CHST6: variants seen among roughly 807,000 people sequenced by gnomAD.
CHST6 encodes carbohydrate sulfotransferase 6, also known as N-acetylglucosamine 6-O-sulfotransferase 5.
For missense variants in CHST6, 698 were observed against 586.2 expected, an observed-to-expected ratio of 1.19 and a Z score of -1.97; for synonymous variants, 309 against 276.4, an observed-to-expected ratio of 1.12 and a Z score of -1.17.
At chr16:75,483,134 C>T (rs1456241219) in intron 1 of CHST6, among the ~76,000 whole-genome samples, 2 of 152,242 alleles carry the variant, frequency 1.3e-5, no homozygotes, top group African/African-American at 4.8e-5. Context: ...AGGTGAAAGA[C>T]TCAAGGCTTG....
At chr16:75,487,717 T>A (rs1351226205) in intron 1 of CHST6, among the ~76,000 whole-genome samples, 1 of 138,820 alleles carries the variant, frequency 7.2e-6, no homozygotes, top group Non-Finnish European at 1.5e-5. Context: ...GAGAATGGCG[T>A]GAATCTGGGA....
At chr16:75,493,633 G>A (rs963026292) in intron 1 of CHST6, among the ~76,000 whole-genome samples, 1 of 152,102 alleles carries the variant, frequency 6.6e-6, no homozygotes, top group African/African-American at 2.4e-5. Context: ...GGCGCATAGT[G>A]CACTTATGAG....
At chr16:75,486,958 A>G (rs912925983) in intron 1 of CHST6, among the ~76,000 whole-genome samples, 17 of 152,346 alleles carry the variant, frequency 1.1e-4, no homozygotes, top group East Asian at 5.8e-4. Flanking sequence ...CTTTCATTAT[A>G]TGTACTCTGA....
At chr16:75,492,587 G>A (rs922849754) in intron 1 of CHST6, among the ~76,000 whole-genome samples, 4 of 152,190 alleles carry the variant, frequency 2.6e-5, no homozygotes, top group Non-Finnish European at 5.9e-5. Context: ...GGTGGCTCAC[G>A]CCTGTAATCC....
At chr16:75,485,658 CA>C (rs1045839141) in intron 1 of CHST6, among the ~76,000 whole-genome samples, 1 of 151,966 alleles carries the variant, frequency 6.6e-6, no homozygotes, top group African/African-American at 2.4e-5. Flanking sequence ...AAAAGTAGAA[CA>C]AAAAACATAA....
intron 1 of CHST6, among the ~76,000 whole-genome samples, chr16:75,491,181 AAAAAAAAAAATAT>A (rs1361421104): frequency 1.5e-4 from 13 of 85,898 alleles, no homozygotes; most frequent in South Asian, 9.0e-4. Flanking sequence ...AAAAAAAAAA[AAAAAAAAAAATAT>A]ATATATATAT....
At position 75,472,674 on chromosome 16, in the gene CHST6, G is replaced by C. The variant is rs37605; in HGVS notation, c.*5967C>G. On this transcript the variant is annotated 3_prime_UTR_variant, in exon 3 of 3. Transcript: ENST00000332272. ...GTGACAAAGGCACATCAAAGACAAA[G>C]CTAGGGGACACAGGGTCTGTGGTGG... The C allele has an allele frequency of 0.15, 23,097 of 152,304 alleles. 1,892 individuals carry two copies. The highest frequency in any genetic ancestry group is 0.37 in the East Asian group (1,916 of 5,180). 9.4% of individuals were successfully genotyped at this position (152,304 alleles called of 1,614,324 possible). A position where few individuals can be genotyped will look rare whatever the true frequency, so the allele number is the denominator to read the frequency against.
chr16:75,478,977 G>A lies in CHST6; in HGVS notation c.852C>T (p.Ile284=), dbSNP rs1567408713. ...GCCCAGTGAAGGCGTAGAGCGCACG[G>A]ATTTCTGCCAGCGGCTCCCGCGCCA... ...EDLAREPLAE[I]RALYAFTGLS... The change falls in exon 3 of 3, where the codon ATC becomes ATT. Residue 284 remains isoleucine (I), a synonymous_variant. Coordinates refer to ENST00000332272, the MANE Select transcript of CHST6 (RefSeq NM_021615.5). 3.7e-6 allele frequency: 6 copies of A among 1,612,902 alleles called. No individual in the cohort carries two copies. The highest frequency in any genetic ancestry group is 5.1e-6 in the Non-Finnish European group (6 of 1,179,958).
Position 75,493,117 on chromosome 16 carries a change from A to G in CHST6, c.-92+1823T>C, listed in dbSNP as rs544638353. 1.8e-3 allele frequency among the ~76,000 whole-genome samples: 272 copies of G among 152,252 alleles called. 2 individuals carry two copies. The highest frequency in any genetic ancestry group is 3.4e-3 in the Non-Finnish European group (230 of 68,024). On this transcript the variant is annotated intron_variant, in intron 1 of 2. Coordinates refer to ENST00000332272, the MANE Select transcript of CHST6 (RefSeq NM_021615.5). The stretch of plus-strand genomic sequence containing the variant: ...GAATGGTGTCTGTCTCATTAAAGAC[A>G]GTAGGTATAGAGCACTGAGGTTAAG...
In CHST6 at chr16:75,492,214, C is replaced by A. The variant is rs375104830; in HGVS notation, c.-92+2726G>T. Among the ~76,000 whole-genome samples the A allele has an allele frequency of 3.0e-4, 46 of 152,348 alleles. No individual in the cohort carries two copies. The South Asian group carries it at 7.7e-3, about 25-fold the overall frequency. On this transcript the variant is annotated intron_variant, in intron 1 of 2. Coordinates refer to ENST00000332272, the MANE Select transcript of CHST6 (RefSeq NM_021615.5). ...CATTTCAGAGCAGATAAGCAGATAGCAACACACAAACCCTTTTCCTTGGCT... is the reference window on the plus strand; with the variant it reads ...CATTTCAGAGCAGATAAGCAGATAGAAACACACAAACCCTTTTCCTTGGCT...
chr16:75,487,493 C>G (rs2080211178), intron 1 of CHST6, among the ~76,000 whole-genome samples: 1 of 151,848 alleles, frequency 6.6e-6, no homozygotes, highest in African/African-American at 2.4e-5. Flanking sequence ...GGTGAAACCC[C>G]ATCTCTACTA....
rs1488649931 is a variant in CHST6, at chr16:75,477,616, G to A, written c.*1025C>T. 1 of 152,170 alleles carries A rather than the reference G, an allele frequency of 6.6e-6. No individual in the cohort carries two copies. The highest frequency in any genetic ancestry group is 1.5e-5 in the Non-Finnish European group (1 of 68,062). The allele number at this position is 152,170 out of a possible 1,614,324, so 9.4% of individuals were successfully genotyped here. On this transcript the variant is annotated 3_prime_UTR_variant, in exon 3 of 3. Coordinates refer to ENST00000332272, the MANE Select transcript of CHST6 (RefSeq NM_021615.5). ...GGGCACTTATAGGCTCTCATTTCCT[G>A]AGCTCGGGACTAAACCCTCTACACA...
intron 1 of CHST6, among the ~76,000 whole-genome samples, chr16:75,493,173 C>T (rs2550324): frequency 0.29 from 44,403 of 151,368 alleles, 10,395 homozygotes; most frequent in East Asian, 0.72. Context: ...ATTTACTGAG[C>T]GATCTTGTGC....
At chr16:75,485,552 C>T (rs536491225) in intron 1 of CHST6, among the ~76,000 whole-genome samples, 3 of 152,330 alleles carry the variant, frequency 2.0e-5, no homozygotes, top group South Asian at 2.1e-4. Context: ...ACTGAGAGTA[C>T]ATTTCCTTTC....
rs569713378 is a variant in CHST6, at chr16:75,475,409, C to G, written c.*3232G>C. On this transcript the variant is annotated 3_prime_UTR_variant, in exon 3 of 3. Coordinates refer to ENST00000332272, the MANE Select transcript of CHST6 (RefSeq NM_021615.5). ...CTTGATGGCAGGAGCCATGGTCACACAGCACAGAGTGTCAACACAGCAAAC... is the reference window on the plus strand; with the variant it reads ...CTTGATGGCAGGAGCCATGGTCACAGAGCACAGAGTGTCAACACAGCAAAC... The G allele has an allele frequency of 2.8e-5, 3 of 107,100 alleles. No homozygotes were observed. In the South Asian group the frequency reaches 9.1e-4, roughly 32 times the overall value. The allele number at this position is 107,100 out of a possible 1,614,324, so 6.6% of individuals were successfully genotyped here. A position where few individuals can be genotyped will look rare whatever the true frequency, so the allele number is the denominator to read the frequency against.
intron 2 of CHST6, 116 bp from the exon 3 acceptor site, chr16:75,479,960 A>G (rs2080121693): frequency 1.2e-6 from 1 of 856,136 alleles, no homozygotes; most frequent in Non-Finnish European, 1.8e-6. Context: ...TCCCATGAAC[A>G]TGATGGTCTC....
In CHST6 at chr16:75,484,518, T is replaced by C. The variant is rs186511967; in HGVS notation, c.-91-2627A>G. Among the ~76,000 whole-genome samples the C allele has an allele frequency of 9.2e-5, 14 of 152,232 alleles. No individual in the cohort carries two copies. In the East Asian group the frequency reaches 2.7e-3, roughly 29 times the overall value. ...CTTGATGAGGGGCACATATTTATTA[T>C]ATGTTTACTTTTTGGAAAAGTTAAC... On this transcript the variant is annotated intron_variant, in intron 1 of 2. Coordinates refer to ENST00000332272, the MANE Select transcript of CHST6 (RefSeq NM_021615.5).
chr16:75,487,532 G>A (rs1298549128), intron 1 of CHST6, among the ~76,000 whole-genome samples: 1 of 152,136 alleles, frequency 6.6e-6, no homozygotes, highest in African/African-American at 2.4e-5. Context: ...CAGGCGTGGT[G>A]GCTCACGCCT....
In CHST6 at chr16:75,476,889, T is replaced by TC; in HGVS notation, c.*1751_*1752insG. 1 of 152,030 alleles carries TC rather than the reference T, an allele frequency of 6.6e-6. No individual in the cohort carries two copies. Among genetic ancestry groups the TC allele is most frequent in the African/African-American group, 2.4e-5 (1 of 41,474 alleles). 9.4% of individuals were successfully genotyped at this position (152,030 alleles called of 1,614,324 possible). The stretch of plus-strand genomic sequence containing the variant: ...CTTCCCGAGGAGCTGGGATTACAGG[T>TC]ATGTGCGACCATGCCTCGCTAATTT... On this transcript the variant is annotated 3_prime_UTR_variant, in exon 3 of 3. Coordinates refer to ENST00000332272, the MANE Select transcript of CHST6 (RefSeq NM_021615.5).
Sources: gnomAD v4.1 joint callset for allele counts (sites outside exome capture counted in the v4.1 genomes callset) on GRCh38, gnomAD v4.1.1 for gene constraint, MANE v1.5 for transcripts, NCBI Gene and HGNC (gene_info 2026-07-23, HGNC 2026-07-21) for gene names.